BORCS5: variants seen among roughly 807,000 people sequenced by gnomAD.
BORCS5 encodes BLOC-1-related complex subunit 5.
BORCS5 carries 17 observed loss-of-function variants against 22.1 expected under a neutral mutation model. That is an observed-to-expected ratio of 0.77 (90% CI 0.53 to 1.15). The LOEUF is 1.15. Ranked by LOEUF, BORCS5 falls within the 50% of genes most tolerant of loss-of-function variation. The probability of loss-of-function intolerance (pLI) is 0.00; values close to 1 mark genes in which losing one functional copy is unlikely to be tolerated. For missense variants in BORCS5, 247 were observed against 253.2 expected (o/e 0.98, Z 0.17); for synonymous variants, 117 against 99.8 (o/e 1.17, Z -1.03).
At chr12:12,387,898 G>A (rs1183084326) in intron 2 of BORCS5, among the ~76,000 whole-genome samples, 1 of 151,280 alleles carries the variant, frequency 6.6e-6, no homozygotes, top group Non-Finnish European at 1.5e-5. Context: ...CACACCATGA[G>A]GGGCCTCACT....
Position 12,395,918 on chromosome 12 carries a change from C to T in BORCS5, c.202+34569C>T, listed in dbSNP as rs777293496. Among the ~76,000 whole-genome samples, 53 of 152,016 alleles carry T rather than the reference C, an allele frequency of 3.5e-4. 1 individual carries two copies. The Middle Eastern group carries it at 0.014, about 39-fold the overall frequency. On this transcript the variant is annotated intron_variant, in intron 2 of 3. Coordinates refer to ENST00000314565, the MANE Select transcript of BORCS5 (RefSeq NM_058169.6). ...AAATTGGGTGCCAGGAATAAAAAGA[C>T]GGGGAAATAGCCATAGGGTTGCTTG... is the stretch of plus-strand genomic sequence containing the variant.
intron 3 of BORCS5, among the ~76,000 whole-genome samples, chr12:12,438,252 T>G (rs1942594719): frequency 6.6e-6 from 1 of 150,818 alleles, no homozygotes; most frequent in Non-Finnish European, 1.5e-5. Context: ...TCCCAGCTCC[T>G]CGGGAGGCTG....
intron 2 of BORCS5, among the ~76,000 whole-genome samples, chr12:12,394,219 G>A (rs181278623): frequency 1.1e-4 from 16 of 151,912 alleles, no homozygotes; most frequent in Non-Finnish European, 1.9e-4. Context: ...CCAGCTACTC[G>A]GGAGGCTGAG....
intron 2 of BORCS5, among the ~76,000 whole-genome samples, chr12:12,374,770 C>T (rs1863610152): frequency 6.6e-6 from 1 of 151,904 alleles, no homozygotes; most frequent in Non-Finnish European, 1.5e-5. Context: ...CCACCCTGGC[C>T]AACATGGTGA....
rs1419311026 is a variant in BORCS5 at position 12,384,583 on chromosome 12, CTGT to C, written c.202+23239_202+23241del. Among the ~76,000 whole-genome samples, 84 of 150,860 alleles carry C rather than the reference CTGT, an allele frequency of 5.6e-4. 1 individual carries two copies. Among genetic ancestry groups the C allele is most frequent in the Non-Finnish European group, 1.3e-4 (9 of 67,508 alleles). ...TGTGGATTCTGATCCTCCCAAATTG[CTGT>C]TGTTACTTTTTTGTCTGTTCATTGC... On this transcript the variant is annotated intron_variant, in intron 2 of 3. Transcript: ENST00000314565.
chr12:12,457,540 G>A (rs1247557218), intron 3 of BORCS5, among the ~76,000 whole-genome samples: 1 of 152,084 alleles, frequency 6.6e-6, no homozygotes, highest in Non-Finnish European at 1.5e-5. Flanking sequence ...GAGGTGGTGG[G>A]CGCCTGTAGT....
At chr12:12,458,799 C>T (rs1943047094) in intron 3 of BORCS5, among the ~76,000 whole-genome samples, 1 of 151,346 alleles carries the variant, frequency 6.6e-6, no homozygotes, top group Admixed American at 6.6e-5. Context: ...GGTGAAACCC[C>T]ATCTCTACTA....
intron 3 of BORCS5, among the ~76,000 whole-genome samples, chr12:12,457,957 C>T (rs1943029164): frequency 6.6e-6 from 1 of 152,148 alleles, no homozygotes; most frequent in South Asian, 2.1e-4. Context: ...TATCCAGAGA[C>T]AAAGGATAGG....
At chr12:12,432,965 G>C (rs933566331) in intron 2 of BORCS5, among the ~76,000 whole-genome samples, 4 of 152,124 alleles carry the variant, frequency 2.6e-5, no homozygotes, top group African/African-American at 9.7e-5. Flanking sequence ...TTCAGCATCT[G>C]ACCATGGTGA....
intron 3 of BORCS5, among the ~76,000 whole-genome samples, chr12:12,449,902 G>A (rs1592136830): frequency 6.6e-6 from 1 of 152,216 alleles, no homozygotes; most frequent in Non-Finnish European, 1.5e-5. Flanking sequence ...TCTCACTGCA[G>A]ATCCAGGCTC....
intron 2 of BORCS5, among the ~76,000 whole-genome samples, chr12:12,407,699 A>ATT (rs1190942947): frequency 7.0e-6 from 1 of 143,340 alleles, no homozygotes; most frequent in African/African-American, 2.7e-5. Flanking sequence ...GAATTTTACT[A>ATT]TTCTTTTTGT....
chr12:12,412,900 C>CTTT lies in BORCS5; in HGVS notation c.203-22705_203-22703dup, dbSNP rs869045354. ...TCAGTTGAAATGATTTTGTGGTTTT[C>CTTT]TTTTTTTTTTTTTTTTTTTTTTTTT... On this transcript the variant is annotated intron_variant, in intron 2 of 3. Transcript: ENST00000314565. Among the ~76,000 whole-genome samples, 276 of 74,066 alleles carry CTTT rather than the reference C, an allele frequency of 3.7e-3. 2 individuals are homozygous for CTTT. Among genetic ancestry groups the CTTT allele is most frequent in the East Asian group, 6.4e-3 (12 of 1,884 alleles). The allele number at this position is 74,066 out of a possible 152,430, so 48.6% of individuals were successfully genotyped here.
chr12:12,435,579 G>A, intron 2 of BORCS5, 49 bp from the exon 3 acceptor site: 2 of 1,525,236 alleles, frequency 1.3e-6, no homozygotes. Context: ...TTATTCACAA[G>A]TTTATTAGCA....
chr12:12,405,411 A>G (rs1229491390), intron 2 of BORCS5, among the ~76,000 whole-genome samples: 6 of 152,210 alleles, frequency 3.9e-5, no homozygotes, highest in Admixed American at 2.0e-4. Context: ...AGGTGCAGTA[A>G]TATTTCTGTC....
chr12:12,414,756 G>A (rs1941881494), intron 2 of BORCS5, among the ~76,000 whole-genome samples: 4 of 136,132 alleles, frequency 2.9e-5, no homozygotes, highest in Admixed American at 7.1e-5. Context: ...TCCCAGACGG[G>A]GTGGCTGCCG....
At chr12:12,424,598 G>T (rs1188211154) in intron 2 of BORCS5, among the ~76,000 whole-genome samples, 1 of 142,212 alleles carries the variant, frequency 7.0e-6, no homozygotes, top group African/African-American at 2.5e-5. Flanking sequence ...TTCTTTGTAT[G>T]ACTGGTGATT....
At chr12:12,393,157 C>G (rs1312690069) in intron 2 of BORCS5, among the ~76,000 whole-genome samples, 3 of 152,008 alleles carry the variant, frequency 2.0e-5, no homozygotes, top group Admixed American at 6.6e-5. Flanking sequence ...GATCCTTGAG[C>G]TCAGGAGGCA....
intron 2 of BORCS5, among the ~76,000 whole-genome samples, chr12:12,370,455 C>T (rs1863502330): frequency 6.6e-6 from 1 of 152,024 alleles, no homozygotes; most frequent in Admixed American, 6.6e-5. Flanking sequence ...TTTAATCTAC[C>T]TTTATTTCAT....
At position 12,403,399 on chromosome 12, in the gene BORCS5, C is replaced by T. The variant is rs1049471409; in HGVS notation, c.203-32229C>T. The stretch of plus-strand genomic sequence containing the variant: ...CTTCTGCTGGCTTTTCTGTGGCAAT[C>T]CCAGCTGCTCTTCCCCGTGGCTTGG... On this transcript the variant is annotated intron_variant, in intron 2 of 3. Coordinates refer to ENST00000314565, the MANE Select transcript of BORCS5 (RefSeq NM_058169.6). Among the ~76,000 whole-genome samples the T allele has an allele frequency of 4.6e-5, 7 of 152,264 alleles. No individual in the cohort carries two copies. The East Asian group carries it at 1.2e-3, about 25-fold the overall frequency.
Sources: gnomAD v4.1 joint callset for allele counts (sites outside exome capture counted in the v4.1 genomes callset) on GRCh38, gnomAD v4.1.1 for gene constraint, MANE v1.5 for transcripts, NCBI Gene and HGNC (gene_info 2026-07-23, HGNC 2026-07-21) for gene names.